The following DIP2C variants were observed in gnomAD, a reference collection of about 807,000 sequenced individuals.
DIP2C encodes the protein DIP2 acetate--CoA ligase C (putative), also known as disco-interacting protein 2 homolog C.
DIP2C carries 33 observed loss-of-function variants against 192.4 expected under a neutral mutation model. The ratio of observed to expected loss-of-function variants is 0.17; its 90% CI spans 0.13 to 0.23. The LOEUF (loss-of-function observed/expected upper bound fraction) is 0.23, where lower values mean the gene tolerates loss of function less well. Among genes scored for constraint, DIP2C ranks in the 10% least tolerant of loss-of-function variants. The pLI is 1.00. For missense variants in DIP2C, 1,537 were observed against 2,110.1 expected, an observed-to-expected ratio of 0.73 and a Z score of 5.32; for synonymous variants, 979 against 864.1, an observed-to-expected ratio of 1.13 and a Z score of -2.33.
intron 1 of DIP2C, among the ~76,000 whole-genome samples, chr10:504,178 CT>C (rs1845431687): frequency 6.6e-6 from 1 of 152,228 alleles, no homozygotes; most frequent in African/African-American, 2.4e-5. Flanking sequence ...TCCCCATCTC[CT>C]TGGGCTGGAG....
intron 1 of DIP2C, among the ~76,000 whole-genome samples, chr10:649,303 G>A (rs972144981): frequency 2.2e-4 from 34 of 151,664 alleles, no homozygotes; most frequent in Non-Finnish European, 4.1e-4. Context: ...AGAGAACAGA[G>A]GGAAACTGAG....
At chr10:467,527 A>G (rs907130680) in intron 3 of DIP2C, among the ~76,000 whole-genome samples, 14 of 35,506 alleles carry the variant, frequency 3.9e-4, no homozygotes, top group African/African-American at 5.5e-4. Flanking sequence ...AACTTAAAGT[A>G]TAAAAAAAAA....
chr10:451,934 T>TGA (rs57839430), intron 3 of DIP2C, among the ~76,000 whole-genome samples: 24,294 of 152,022 alleles, frequency 0.16, 5,021 homozygotes, highest in African/African-American at 0.48. Flanking sequence ...GTCAAAAAAC[T>TGA]GAGAAAACAG....
In DIP2C at chr10:390,106, A is replaced by G; in HGVS notation, c.1495-13T>C. 1 of 1,611,922 alleles carries G rather than the reference A, an allele frequency of 6.2e-7. No homozygotes were observed. Among genetic ancestry groups the G allele is most frequent in the Non-Finnish European group, 8.5e-7 (1 of 1,178,166 alleles). On this transcript the variant is annotated splice_polypyrimidine_tract_variant and intron_variant, in intron 12 of 36. Transcript: ENST00000280886. ...TACACGTCTTGTACTGAAACGAGAC[A>G]AAGCGTGAGGGAAGTGGGGCTGACA...
At chr10:380,926 C>A (rs1962310525) in intron 17 of DIP2C, among the ~76,000 whole-genome samples, 3 of 152,212 alleles carry the variant, frequency 2.0e-5, no homozygotes, top group Non-Finnish European at 4.4e-5. Flanking sequence ...TCTGTCCCAA[C>A]CTTTCTGTGG....
At position 414,501 on chromosome 10, in the gene DIP2C, G is replaced by T. The variant is rs117857884; in HGVS notation, c.860-391C>A. On this transcript the variant is annotated intron_variant, in intron 7 of 36. Coordinates refer to ENST00000280886, the MANE Select transcript of DIP2C (RefSeq NM_014974.3). ...ATCTTGCTAAATTATATTTTGTCCT[G>T]AAAGATTAATGATAAATATATTTTC... Among the ~76,000 whole-genome samples the T allele has an allele frequency of 6.0e-3, 914 of 152,128 alleles. 3 individuals carry two copies. Among genetic ancestry groups the T allele is most frequent in the East Asian group, 0.014 (72 of 5,178 alleles).
intron 1 of DIP2C, among the ~76,000 whole-genome samples, chr10:683,880 G>T (rs1831221203): frequency 6.6e-6 from 1 of 152,210 alleles, no homozygotes; most frequent in Non-Finnish European, 1.5e-5. Flanking sequence ...CTGGGAGGAG[G>T]AAGACAGTGA....
At chr10:659,080 TCAAA>T (rs1464311358) in intron 1 of DIP2C, among the ~76,000 whole-genome samples, 3 of 151,726 alleles carry the variant, frequency 2.0e-5, no homozygotes, top group East Asian at 3.9e-4. Context: ...CATACAACAC[TCAAA>T]CACACATGCA....
At chr10:481,116 CACA>C (rs942015689) in intron 2 of DIP2C, among the ~76,000 whole-genome samples, 2 of 152,074 alleles carry the variant, frequency 1.3e-5, no homozygotes, top group African/African-American at 4.8e-5. Context: ...ACTCTCATGG[CACA>C]ACAAGAATAC....
At chr10:678,047 C>A (rs760021732) in intron 1 of DIP2C, among the ~76,000 whole-genome samples, 7 of 152,242 alleles carry the variant, frequency 4.6e-5, no homozygotes, top group Non-Finnish European at 7.3e-5. Context: ...ACACACTGGC[C>A]ACCAAGGCAC....
In DIP2C at chr10:546,277, T is replaced by TAA. The variant is rs370870788; in HGVS notation, c.86-59749_86-59748dup. Among the ~76,000 whole-genome samples the TAA allele has an allele frequency of 8.5e-3, 935 of 109,362 alleles. 9 individuals are homozygous for TAA. The highest frequency in any genetic ancestry group is 0.01 in the Non-Finnish European group (586 of 57,952). 71.7% of individuals were successfully genotyped at this position (109,362 alleles called of 152,430 possible). A position where few individuals can be genotyped will look rare whatever the true frequency, so the allele number is the denominator to read the frequency against. On this transcript the variant is annotated intron_variant, in intron 1 of 36. Transcript: ENST00000280886. Reference sequence around the variant, plus strand: ...AGCCTGGGTGACAGAGCAAGACTCTTAAAAAAAAAAAAAAAAAGTAACAAA... The same window carrying TAA: ...AGCCTGGGTGACAGAGCAAGACTCTTAAAAAAAAAAAAAAAAAAAGTAACAAA...
At chr10:583,282 A>G (rs1235409262) in intron 1 of DIP2C, among the ~76,000 whole-genome samples, 1 of 152,274 alleles carries the variant, frequency 6.6e-6, no homozygotes, top group East Asian at 1.9e-4. Context: ...GCAAAGGAGA[A>G]CGGAGCACCT....
rs368979819 is a variant in DIP2C at position 343,231 on chromosome 10, G to A, written c.3453+1578C>T. Among the ~76,000 whole-genome samples, 55 of 152,384 alleles carry A rather than the reference G, an allele frequency of 3.6e-4. 1 individual carries two copies. The South Asian group carries it at 8.9e-3, about 25-fold the overall frequency. On this transcript the variant is annotated intron_variant, in intron 28 of 36. Coordinates refer to ENST00000280886, the MANE Select transcript of DIP2C (RefSeq NM_014974.3). ...TTGAACCAAGAGGGCGGAGGTTGCA[G>A]TGAGCTGAGATCGCACCACTGCACT...
intron 1 of DIP2C, among the ~76,000 whole-genome samples, chr10:611,905 G>C (rs1416731502): frequency 1.3e-5 from 2 of 152,184 alleles, no homozygotes; most frequent in African/African-American, 4.8e-5. Context: ...TTTGTGCTGG[G>C]CCATTCAACT....
intron 1 of DIP2C, among the ~76,000 whole-genome samples, chr10:649,247 G>A (rs1855705694): frequency 1.3e-5 from 2 of 150,054 alleles, no homozygotes; most frequent in Admixed American, 1.3e-4. Context: ...TTGATGGTGG[G>A]CGAGAACAGA....
rs1962487959 is a variant in DIP2C, at chr10:382,718, A to C, written c.1920T>G (p.Ser640Arg). The C allele has an allele frequency of 1.2e-6, 2 of 1,613,830 alleles. No homozygotes were observed. Among genetic ancestry groups the C allele is most frequent in the Non-Finnish European group, 1.7e-6 (2 of 1,179,908 alleles). ...AGATGACCTCCTGTCGAAGGCCTTT[A>C]CTTTGGAAGACATTGAGAAATGCAT... ...SCDAFLNVFQ[S>R]KGLRQEVICP... The change falls in exon 17 of 37, where the codon AGT becomes AGG. Residue 640 changes from serine to arginine, a missense_variant. Around this residue, in one of 4 missense-constraint regions of DIP2C, gnomAD observed 677 missense variants for 989.9 expected, o/e 0.68. Transcript: ENST00000280886.
chr10:520,584 G>A (rs1034018132), intron 1 of DIP2C, among the ~76,000 whole-genome samples: 3 of 152,144 alleles, frequency 2.0e-5, no homozygotes, highest in East Asian at 1.9e-4. Context: ...ACTGAGCCAC[G>A]TGCCCTGGGG....
chr10:348,086 G>T (rs1958606481), intron 26 of DIP2C, among the ~76,000 whole-genome samples: 4 of 152,174 alleles, frequency 2.6e-5, no homozygotes, highest in Admixed American at 2.6e-4. Context: ...TTCTAGGAGT[G>T]GCCACTGTGC....
intron 3 of DIP2C, among the ~76,000 whole-genome samples, chr10:448,043 A>T (rs1968440007): frequency 7.5e-6 from 1 of 132,678 alleles, no homozygotes. Context: ...GATCACACAC[A>T]GTAGGGCAGC....
Sources: gnomAD v4.1 joint callset for allele counts (sites outside exome capture counted in the v4.1 genomes callset) on GRCh38, gnomAD v4.1.1 for gene constraint, gnomAD v4.1.1 regional missense constraint, MANE v1.5 for transcripts, NCBI Gene and HGNC (gene_info 2026-07-23, HGNC 2026-07-21) for gene names.